PCNX1: variants seen among roughly 807,000 people sequenced by gnomAD.
PCNX1 encodes the protein pecanex 1.
A neutral mutation model predicts 242.2 loss-of-function variants in PCNX1; 78 were observed. The ratio of observed to expected loss-of-function variants is 0.32; its 90% CI spans 0.27 to 0.39. The LOEUF is 0.39. Ranked by LOEUF, PCNX1 falls within the 10% of genes least tolerant of loss-of-function variation. PCNX1 has a pLI of 1.00. For synonymous variants in PCNX1, 1,024 were observed against 1,032.9 expected (o/e 0.99, Z 0.17); for missense variants, 2,581 against 2,856.5 (o/e 0.90, Z 2.20).
rs117096265 is a variant in PCNX1 at position 70,954,055 on chromosome 14, C to G, written c.362+6932C>G. Among the ~76,000 whole-genome samples the G allele has an allele frequency of 9.0e-3, 1,365 of 152,266 alleles. 10 individuals are homozygous for G. The highest frequency in any genetic ancestry group is 0.012 in the Non-Finnish European group (841 of 68,020). On this transcript the variant is annotated intron_variant, in intron 2 of 35. Transcript: ENST00000304743. The stretch of plus-strand genomic sequence containing the variant: ...TGAAGTTTCATGTTTCTTTTGTTTT[C>G]ACATTTCAATTCTACCCAAAGCTAT...
intron 19 of PCNX1, among the ~76,000 whole-genome samples, chr14:71,043,363 T>C (rs2141070633): frequency 6.6e-6 from 1 of 152,306 alleles, no homozygotes; most frequent in South Asian, 2.1e-4. Flanking sequence ...TTGGGAAATT[T>C]TCAGCTATTA....
rs1489220419 is a variant in PCNX1, at chr14:71,105,339, A to G, written c.6200A>G (p.Asn2067Ser). 1.9e-6 allele frequency: 3 copies of G among 1,613,992 alleles called. No individual in the cohort carries two copies. Among genetic ancestry groups the G allele is most frequent in the African/African-American group, 2.7e-5 (2 of 74,922 alleles). Residue 2067 changes from asparagine (N) to serine (S), a missense_variant, in exon 33 of 36, where the codon AAC (asparagine) becomes AGC (serine). By Grantham distance (46) the Asn-to-Ser change is conservative. Around this residue, in one of 9 missense-constraint regions of PCNX1, gnomAD observed 432 missense variants for 433.6 expected, o/e 1.00. Coordinates refer to ENST00000304743, the MANE Select transcript of PCNX1 (RefSeq NM_014982.3). The stretch of plus-strand genomic sequence containing the variant: ...ACTGGTAACAATGCAACAACTGCCA[A>G]CAATCCCCACAGCAACGTGACCCAG... ...SCTGNNATTANNPHSNVTQGS... is the reference protein window; with the variant it reads ...SCTGNNATTASNPHSNVTQGS...
intron 16 of PCNX1, chr14:71,031,758 G>T: frequency 1.5e-6 from 2 of 1,299,510 alleles, no homozygotes; most frequent in South Asian, 1.2e-5. Context: ...CGACATTTTT[G>T]GGAAACTTCT....
At chr14:70,966,715 T>C (rs2058389431) in intron 3 of PCNX1, among the ~76,000 whole-genome samples, 1 of 152,180 alleles carries the variant, frequency 6.6e-6, no homozygotes, top group African/African-American at 2.4e-5. Context: ...GACTACCATA[T>C]CCGTGTTTAA....
intron 1 of PCNX1, among the ~76,000 whole-genome samples, chr14:70,917,152 G>T (rs569105288): frequency 2.6e-5 from 4 of 152,268 alleles, no homozygotes; most frequent in African/African-American, 9.6e-5. Context: ...ACATCTGTGG[G>T]ATTTCCTCCA....
intron 7 of PCNX1, among the ~76,000 whole-genome samples, chr14:70,994,652 TTAAAGG>T (rs2059292979): frequency 6.6e-6 from 1 of 151,502 alleles, no homozygotes; most frequent in African/African-American, 2.4e-5. Context: ...TCTGGGATTG[TTAAAGG>T]TAAACTTCAA....
intron 1 of PCNX1, among the ~76,000 whole-genome samples, chr14:70,910,849 C>T (rs2055870382): frequency 6.6e-6 from 1 of 152,174 alleles, no homozygotes; most frequent in Non-Finnish European, 1.5e-5. Context: ...GACACAGCTT[C>T]TGCTTTCAAG....
intron 1 of PCNX1, among the ~76,000 whole-genome samples, chr14:70,912,792 G>C (rs1239942672): frequency 1.3e-5 from 2 of 152,152 alleles, no homozygotes; most frequent in Non-Finnish European, 2.9e-5. Flanking sequence ...AGTTTGTGCA[G>C]TTTTCCCACT....
intron 1 of PCNX1, among the ~76,000 whole-genome samples, chr14:70,916,283 A>G (rs1292064496): frequency 6.6e-6 from 1 of 152,172 alleles, no homozygotes; most frequent in Non-Finnish European, 1.5e-5. Flanking sequence ...TTTACTTGCA[A>G]GTTATCAGCA....
Position 71,033,985 on chromosome 14 carries a change from C to T in PCNX1, c.3723C>T (p.Asp1241=). Residue 1241 remains aspartate, a synonymous_variant, in exon 18 of 36, where the codon GAC becomes GAT. Coordinates refer to ENST00000304743, the MANE Select transcript of PCNX1 (RefSeq NM_014982.3). Reference sequence around the variant, plus strand: ...AAACGGAAGAGAAAAATCCAGAAGACCCTCTATCTGAAGTAAAAGATCCAC... The same window carrying T: ...AAACGGAAGAGAAAAATCCAGAAGATCCTCTATCTGAAGTAAAAGATCCAC... ...FPKTEEKNPE[D]PLSEVKDPLP... 1 of 1,609,388 alleles carries T rather than the reference C, an allele frequency of 6.2e-7. No homozygotes were observed. The highest frequency in any genetic ancestry group is 1.7e-5 in the Admixed American group (1 of 59,518).
rs28556569 is a variant in PCNX1, at chr14:71,028,713, G to C, written c.3480G>C (p.Leu1160=). The change falls in exon 16 of 36, where the codon CTG becomes CTC. Residue 1160 remains leucine, a synonymous_variant. Transcript: ENST00000304743. ...HIFGGNATTS[L]LAALYSFICS... is the part of the protein sequence containing the mutation. ...TTTCCTGTCTAGCCACTACAAGCCT[G>C]CTTGCAGCACTTTACAGTTTTATCT... 1.4e-3 allele frequency: 2,297 copies of C among 1,603,248 alleles called. 22 individuals carry two copies. In the African/African-American group the frequency reaches 0.027, roughly 19 times the overall value.
chr14:70,908,715 G>T (rs2055690276), intron 1 of PCNX1, among the ~76,000 whole-genome samples: 1 of 152,242 alleles, frequency 6.6e-6, no homozygotes, highest in Admixed American at 6.5e-5. Context: ...TGGGGGGAGG[G>T]AGCGGGGAGA....
rs1192625259 is a variant in PCNX1 at position 71,019,108 on chromosome 14, C to T, written c.3096C>T (p.Ile1032=). 4 of 1,613,208 alleles carry T rather than the reference C, an allele frequency of 2.5e-6. No homozygotes were observed. Among genetic ancestry groups the T allele is most frequent in the Admixed American group, 3.3e-5 (2 of 59,916 alleles). The change falls in exon 12 of 36, where the codon ATC becomes ATT. Residue 1032 remains isoleucine, a synonymous_variant. Transcript: ENST00000304743. ...TCATACAAGGATTCTTCAGAGATATCTGGGTCTTCCAGTTCTGCCTCGTCA... is the reference window on the plus strand; with the variant it reads ...TCATACAAGGATTCTTCAGAGATATTTGGGTCTTCCAGTTCTGCCTCGTCA... The part of the protein sequence containing the change: ...ILLIQGFFRD[I]WVFQFCLVIA...
At chr14:71,009,363 A>G (rs2059757947) in intron 8 of PCNX1, among the ~76,000 whole-genome samples, 1 of 152,186 alleles carries the variant, frequency 6.6e-6, no homozygotes, top group Non-Finnish European at 1.5e-5. Context: ...GTGCCGTGGG[A>G]AAAAGAAAAA....
chr14:71,016,864 A>G (rs1272323234), intron 11 of PCNX1, among the ~76,000 whole-genome samples: 1 of 152,220 alleles, frequency 6.6e-6, no homozygotes, highest in East Asian at 1.9e-4. Context: ...AGTAGTAAGG[A>G]ACAAAACAAT....
At chr14:70,941,678 G>A (rs1371544766) in intron 1 of PCNX1, among the ~76,000 whole-genome samples, 1 of 152,202 alleles carries the variant, frequency 6.6e-6, no homozygotes, top group Non-Finnish European at 1.5e-5. Context: ...GGACGTTTAA[G>A]TCTGCAGAAG....
chr14:70,999,825 T>C (rs1396963741), intron 8 of PCNX1, among the ~76,000 whole-genome samples: 3 of 152,218 alleles, frequency 2.0e-5, no homozygotes, highest in Non-Finnish European at 2.9e-5. Flanking sequence ...ACAGTACTTT[T>C]AGTGACTTTT....
rs1435977690 is a variant in PCNX1, at chr14:71,112,770, G to A, written c.*2835G>A. The A allele has an allele frequency of 6.6e-6, 1 of 152,060 alleles. No homozygotes were observed. The highest frequency in any genetic ancestry group is 1.5e-5 in the Non-Finnish European group (1 of 67,978). The allele number at this position is 152,060 out of a possible 1,614,324, so 9.4% of individuals were successfully genotyped here. On this transcript the variant is annotated 3_prime_UTR_variant, in exon 36 of 36. Transcript: ENST00000304743. The stretch of plus-strand genomic sequence containing the variant: ...TTCCATAATTTGAAAGTTAAAAGAT[G>A]TAACTAAAATACTAGCTTTTTTATT...
At chr14:70,974,647 C>T (rs969240040) in intron 5 of PCNX1, among the ~76,000 whole-genome samples, 1 of 152,140 alleles carries the variant, frequency 6.6e-6, no homozygotes, top group African/African-American at 2.4e-5. Flanking sequence ...TATCCTTTAG[C>T]AACAATTTCT....
Sources: allele counts gnomAD v4.1 joint callset (sites outside exome capture counted in the v4.1 genomes callset), GRCh38; gene constraint gnomAD v4.1.1; regional missense constraint gnomAD v4.1.1; transcripts MANE v1.5; gene names NCBI Gene and HGNC (gene_info 2026-07-23, HGNC 2026-07-21).